ZNF469: variants seen among roughly 807,000 people sequenced by gnomAD.
ZNF469 encodes the protein zinc finger protein 469.
ZNF469 carries 1 observed loss-of-function variant against 1.0 expected under a neutral mutation model. The observed-to-expected ratio is 1.00, with a 90% CI of 0.35 to 4.73. The LOEUF (loss-of-function observed/expected upper bound fraction) is 4.73, where lower values mean the gene tolerates loss of function less well. Among genes scored for constraint, ZNF469 ranks in the 30% most tolerant of loss-of-function variants. The probability of loss-of-function intolerance (pLI) is 0.16; values close to 1 mark genes in which losing one functional copy is unlikely to be tolerated. For missense variants in ZNF469, 6,100 were observed against 5,356.3 expected (o/e 1.14, Z -4.33); for synonymous variants, 2,703 against 2,363.4 (o/e 1.14, Z -4.17).
At chr16:88,133,751 A>G in the ZNF469 span, among the ~76,000 whole-genome samples, 320 of 152,322 alleles carry the variant, frequency 2.1e-3, 1 homozygote, top group Non-Finnish European at 3.4e-3. Flanking sequence ...TGTGTTTTGA[A>G]TATTGGAAAT....
the ZNF469 span, among the ~76,000 whole-genome samples, chr16:88,235,810 G>A: frequency 6.6e-6 from 1 of 152,346 alleles, no homozygotes; most frequent in South Asian, 2.1e-4. Context: ...GGGTCCTGAG[G>A]ACATGTGCCG....
chr16:88,272,472 GGGTGT>G, the ZNF469 span, among the ~76,000 whole-genome samples: 1 of 132,662 alleles, frequency 7.5e-6, no homozygotes. Flanking sequence ...ATGAACAGGG[GGGTGT>G]ATGGATAGAT....
At chr16:88,356,490 CTG>C in the ZNF469 span, among the ~76,000 whole-genome samples, 8 of 151,248 alleles carry the variant, frequency 5.3e-5, no homozygotes, top group African/African-American at 1.2e-4. Context: ...GTACACATGC[CTG>C]TGTGTGTGTG....
chr16:88,243,497 G>A, the ZNF469 span, among the ~76,000 whole-genome samples: 1,199 of 152,300 alleles, frequency 7.9e-3, 15 homozygotes, highest in African/African-American at 0.027. Flanking sequence ...GTCATCTGCT[G>A]ATGGACCTCC....
At chr16:88,234,227 A>G in the ZNF469 span, among the ~76,000 whole-genome samples, 10 of 152,178 alleles carry the variant, frequency 6.6e-5, no homozygotes, top group Non-Finnish European at 1.3e-4. Context: ...TAAGGCCCCC[A>G]TGGAAAGCTT....
chr16:88,278,668 A>G, the ZNF469 span, among the ~76,000 whole-genome samples: 2 of 134,814 alleles, frequency 1.5e-5, no homozygotes, highest in African/African-American at 5.1e-5. Context: ...ATGCTCGGTC[A>G]GTACCATGTA....
the ZNF469 span, among the ~76,000 whole-genome samples, chr16:88,159,061 C>T: frequency 6.6e-6 from 1 of 151,832 alleles, no homozygotes. Flanking sequence ...GTCACGGATG[C>T]TCATATGGCT....
chr16:88,180,145 A>C, the ZNF469 span, among the ~76,000 whole-genome samples: 1 of 152,196 alleles, frequency 6.6e-6, no homozygotes, highest in African/African-American at 2.4e-5. Context: ...TACTTGATCC[A>C]ATAGAAGGAA....
At chr16:88,143,869 C>G in the ZNF469 span, among the ~76,000 whole-genome samples, 2 of 152,150 alleles carry the variant, frequency 1.3e-5, no homozygotes, top group Middle Eastern at 3.2e-3. Context: ...TGGCGGCCAG[C>G]GGCACCAGAC....
At chr16:88,264,268 G>A in the ZNF469 span, among the ~76,000 whole-genome samples, 7 of 151,396 alleles carry the variant, frequency 4.6e-5, no homozygotes, top group Admixed American at 3.3e-4. Flanking sequence ...CGGACGCCCC[G>A]TGGCTCCTGC....
At chr16:88,179,920 T>A in the ZNF469 span, among the ~76,000 whole-genome samples, 1 of 152,184 alleles carries the variant, frequency 6.6e-6, no homozygotes, top group Admixed American at 6.5e-5. Context: ...GTATGTGAAG[T>A]GGTAGAATAT....
the ZNF469 span, among the ~76,000 whole-genome samples, chr16:88,142,957 A>T: frequency 6.7e-6 from 1 of 150,244 alleles, no homozygotes; most frequent in East Asian, 1.9e-4. Context: ...GCAGAATCAG[A>T]GTCTCAGGAA....
the ZNF469 span, among the ~76,000 whole-genome samples, chr16:88,135,768 T>C: frequency 1.4e-5 from 2 of 141,806 alleles, 1 homozygote; most frequent in Non-Finnish European, 3.1e-5. Context: ...TTTTTTTTTT[T>C]TTTTTTTTTT....
the ZNF469 span, among the ~76,000 whole-genome samples, chr16:88,353,924 G>A: frequency 1.3e-5 from 2 of 152,178 alleles, no homozygotes; most frequent in African/African-American, 4.8e-5. Context: ...GCAGCGGGAA[G>A]GTAAAGCCTG....
At chr16:88,103,672 G>A in the ZNF469 span, among the ~76,000 whole-genome samples, 1 of 152,280 alleles carries the variant, frequency 6.6e-6, no homozygotes, top group Middle Eastern at 3.4e-3. Flanking sequence ...CTGGGTGGGG[G>A]CGGTAGAATA....
At chr16:88,169,487 C>T in the ZNF469 span, among the ~76,000 whole-genome samples, 3 of 152,154 alleles carry the variant, frequency 2.0e-5, no homozygotes, top group African/African-American at 4.8e-5. This position sits in a 1 kb window ranked among gnomAD's most constrained non-coding sequence, Gnocchi z 6.1. Context: ...TTCTCCAGTA[C>T]GCAACCTTTC....
At chr16:88,267,488 T>C in the ZNF469 span, among the ~76,000 whole-genome samples, 1 of 152,234 alleles carries the variant, frequency 6.6e-6, no homozygotes, top group Non-Finnish European at 1.5e-5. Context: ...TGCCCAGGGC[T>C]GGTCCACCAC....
chr16:88,290,778 G>A, the ZNF469 span, among the ~76,000 whole-genome samples: 3 of 152,160 alleles, frequency 2.0e-5, no homozygotes, highest in Admixed American at 6.5e-5. Flanking sequence ...TCTGCTGAAC[G>A]AATGAGTGAA....
chr16:88,204,244 C>T, the ZNF469 span, among the ~76,000 whole-genome samples: 10 of 151,930 alleles, frequency 6.6e-5, no homozygotes, highest in African/African-American at 9.7e-5. Context: ...CATAGAGCAG[C>T]GGGAGGCGCA....
Sources: allele counts gnomAD v4.1 joint callset (sites outside exome capture counted in the v4.1 genomes callset), GRCh38; gene constraint gnomAD v4.1.1; non-coding constraint Gnocchi (gnomAD v3.1); transcripts MANE v1.5; gene names NCBI Gene and HGNC (gene_info 2026-07-23, HGNC 2026-07-21).